NBPF12: variants seen among roughly 807,000 people sequenced by gnomAD.
The protein encoded by NBPF12 is NBPF member 12.
In NBPF12, 115 loss-of-function variants were observed where a neutral mutation model predicts 146.4. The ratio of observed to expected loss-of-function variants is 0.79; its 90% confidence interval spans 0.68 to 0.92. NBPF12 has a LOEUF of 0.92. Among genes scored for constraint, NBPF12 ranks in the 40% least tolerant of loss-of-function variants. The pLI, the probability that NBPF12 is intolerant of heterozygous loss-of-function variation, is 0.00. For missense variants in NBPF12, 1,205 were observed against 1,326.8 expected, an observed-to-expected ratio of 0.91 and a Z score of 1.43; for synonymous variants, 385 against 508.9, an observed-to-expected ratio of 0.76 and a Z score of 3.28.
At chr1:146,953,235 G>A (rs1655402654) in intron 2 of NBPF12, among the ~76,000 whole-genome samples, 1 of 132,564 alleles carries the variant, frequency 7.5e-6, no homozygotes, top group Non-Finnish European at 1.6e-5. Context: ...TAATCATTGT[G>A]AGGTGTCTGG....
exon 34 of NBPF12, chr1:146,995,463 G>T (rs3871266): frequency 2.5e-4 from 33 of 131,260 alleles, no homozygotes; most frequent in African/African-American, 9.2e-4. Flanking sequence ...ATTTTGGGTT[G>T]AAAAAAAGTA....
At chr1:146,951,227 G>A in intron 1 of NBPF12, 121 bp from the exon 5 acceptor site, 1 of 640,008 alleles carries the variant, frequency 1.6e-6, no homozygotes, top group East Asian at 2.8e-5. Flanking sequence ...CTTCTCTCAG[G>A]CCACACAGGG....
intron 19 of NBPF12, among the ~76,000 whole-genome samples, chr1:146,982,590 T>C (rs1440319049): frequency 2.6e-5 from 4 of 151,956 alleles, no homozygotes; most frequent in Non-Finnish European, 4.4e-5. Flanking sequence ...GAATGCTGCG[T>C]GTAAAATTCA....
Position 146,994,433 on chromosome 1 carries a change from C to G in NBPF12, c.4232C>G (p.Ser1411Ter). ...TCAATGTACTTTGAACTACCTGACT[C>G]ATTCCAGCACTACAGAAGTGTGTTT... The change falls in exon 34 of 34, where the codon TCA (serine) becomes TGA (stop). Residue 1411 changes from serine (S) to a stop codon, truncating the protein, a stop_gained. Transcript: ENST00000617844. LOFTEE classifies it high-confidence loss of function. 6.2e-7 allele frequency: 1 copy of G among 1,612,208 alleles called. No individual in the cohort carries two copies. Among genetic ancestry groups the G allele is most frequent in the Non-Finnish European group, 8.5e-7 (1 of 1,179,806 alleles).
chr1:146,964,694 C>G (rs1291332942), intron 7 of NBPF12, among the ~76,000 whole-genome samples, 199 bp from the exon 11 acceptor site: 1 of 151,962 alleles, frequency 6.6e-6, no homozygotes, highest in Non-Finnish European at 1.5e-5. Context: ...ACCAGCTGCT[C>G]TCTTCCTCTC....
At chr1:146,950,666 C>A (rs1456498217) in intron 1 of NBPF12, among the ~76,000 whole-genome samples, 1 of 152,152 alleles carries the variant, frequency 6.6e-6, no homozygotes, top group Non-Finnish European at 1.5e-5. Context: ...TTTTGAGATT[C>A]ATCCATGTTG....
Position 146,994,445 on chromosome 1 carries a change from A to G in NBPF12, c.4244A>G (p.Tyr1415Cys), listed in dbSNP as rs587616517. Residue 1415 changes from tyrosine to cysteine, a missense_variant, in exon 34 of 34, where the codon TAC (tyrosine) becomes TGC (cysteine). Physicochemically the swap from Tyr to Cys is radical, Grantham distance 194. Around this residue, in one of 16 missense-constraint regions of NBPF12, gnomAD observed 210 missense variants for 94.4 expected, o/e 2.22. Transcript: ENST00000617844. ...GAACTACCTGACTCATTCCAGCACT[A>G]CAGAAGTGTGTTTTACTCATTTGAG... 6.2e-6 allele frequency: 10 copies of G among 1,611,960 alleles called. No individual in the cohort carries two copies. In the East Asian group the frequency reaches 6.7e-5, roughly 11 times the overall value.
chr1:146,952,254 G>A (rs1450370825), intron 2 of NBPF12, among the ~76,000 whole-genome samples: 4 of 152,112 alleles, frequency 2.6e-5, no homozygotes, highest in African/African-American at 4.8e-5. Context: ...GCTGAGGCTT[G>A]TGGGCTCTGT....
Position 146,972,921 on chromosome 1 carries a change from C to T in NBPF12, c.1762C>T (p.Gln588Ter), listed in dbSNP as rs1656747674. ...CCTCAAAGAGAAATGTTTTGTAACT[C>T]AAGTGGCCTGCTTCCTGGCCAAGCA... The change falls in exon 14 of 34, where the codon CAA (glutamine) becomes TAA (stop). Residue 588 changes from glutamine (Q) to a stop codon, truncating the protein, a stop_gained. Coordinates refer to ENST00000617844, the Ensembl canonical transcript of NBPF12. LOFTEE classifies it high-confidence loss of function. 1.6e-5 allele frequency: 16 copies of T among 985,202 alleles called. 1 individual carries two copies. In the East Asian group the frequency reaches 3.8e-4, roughly 23 times the overall value. The allele number at this position is 985,202 out of a possible 1,614,324, so 61.0% of individuals were successfully genotyped here.
At chr1:146,947,067 A>G (rs1333335111), upstream of NBPF12, among the ~76,000 whole-genome samples, 1 of 151,828 alleles carries the variant, frequency 6.6e-6, no homozygotes, top group African/African-American at 2.4e-5. Flanking sequence ...ACTTCACACT[A>G]TTTGGGTTAC....
chr1:146,987,757 G>GTGTGTGTGTGTC (rs1553888844), intron 25 of NBPF12, among the ~76,000 whole-genome samples, 197 bp from the exon 29 acceptor site: 2 of 151,304 alleles, frequency 1.3e-5, no homozygotes, highest in African/African-American at 4.9e-5. Context: ...GTGTGTGTGT[G>GTGTGTGTGTGTC]TGTCTGTCTT....
intron 31 of NBPF12, among the ~76,000 whole-genome samples, chr1:146,992,461 T>A (rs1168296177): frequency 0.065 from 3,511 of 53,814 alleles, 6 homozygotes; most frequent in Admixed American, 0.097. Flanking sequence ...TCTCTCTCTC[T>A]CTGTGTGTGT....
At chr1:146,970,524 C>T in intron 11 of NBPF12, 123 bp from the exon 15 acceptor site, 1 of 1,314,734 alleles carries the variant, frequency 7.6e-7, no homozygotes, top group Non-Finnish European at 1.1e-6. Context: ...AAAGATAAAA[C>T]ATGAGAGTTT....
At chr1:146,943,934 A>G (rs1288271237) in intron 2 of NBPF12, among the ~76,000 whole-genome samples, 1 of 133,770 alleles carries the variant, frequency 7.5e-6, no homozygotes, top group Non-Finnish European at 1.6e-5. Flanking sequence ...TCTCCTCTTC[A>G]GCTTTCATGG....
chr1:146,977,242 T>C (rs1246325104), intron 17 of NBPF12, among the ~76,000 whole-genome samples: 2 of 141,074 alleles, frequency 1.4e-5, no homozygotes, highest in Non-Finnish European at 3.0e-5. Context: ...CTCCTATCTG[T>C]CCAGTGCAAT....
rs2101882632 is a variant in NBPF12 at position 146,973,030 on chromosome 1, G to A, written c.1801+70G>A. 9 of 789,018 alleles carry A rather than the reference G, an allele frequency of 1.1e-5. No individual in the cohort carries two copies. The East Asian group carries it at 2.2e-4, about 19-fold the overall frequency. 48.9% of individuals were successfully genotyped at this position (789,018 alleles called of 1,614,324 possible). ...CTGTCTTCTCTCTGAGAAACTAAGTGCTCTCTCCATCAAAAATAATGTCAT... is the reference window on the plus strand; with the variant it reads ...CTGTCTTCTCTCTGAGAAACTAAGTACTCTCTCCATCAAAAATAATGTCAT... On this transcript the variant is annotated intron_variant, in intron 14 of 33. Coordinates refer to ENST00000617844, the Ensembl canonical transcript of NBPF12.
At chr1:146,945,084 C>G (rs1654988236), upstream of NBPF12, among the ~76,000 whole-genome samples, 1 of 140,472 alleles carries the variant, frequency 7.1e-6, no homozygotes, top group South Asian at 2.4e-4. Context: ...TCCTCCCTCC[C>G]TTCCTCCCTC....
At chr1:146,953,020 G>C (rs1423778285) in intron 2 of NBPF12, among the ~76,000 whole-genome samples, 1 of 151,126 alleles carries the variant, frequency 6.6e-6, no homozygotes, top group African/African-American at 2.5e-5. Flanking sequence ...TGGGTGAGGG[G>C]AACAGCGGCG....
At chr1:146,972,994 T>A in intron 14 of NBPF12, 34 bp downstream of exon 17, 1 of 888,792 alleles carries the variant, frequency 1.1e-6, no homozygotes, top group Non-Finnish European at 1.9e-6. Flanking sequence ...ATGAAAGTGA[T>A]GAACGAAGTC....
Sources: gnomAD v4.1 joint callset for allele counts (sites outside exome capture counted in the v4.1 genomes callset) on GRCh38, gnomAD v4.1.1 for gene constraint, gnomAD v4.1.1 regional missense constraint, MANE v1.5 for transcripts, NCBI Gene and HGNC (gene_info 2026-07-23, HGNC 2026-07-21) for gene names.